Variants in GSKIP observed in about 807,000 individuals in gnomAD.
The protein encoded by GSKIP is GSK3B-interacting protein.
GSKIP carries 5 observed loss-of-function variants against 11.9 expected under a neutral mutation model. That is an observed-to-expected ratio of 0.42 (90% CI 0.22 to 0.89). GSKIP has a LOEUF of 0.89. Ranked by LOEUF, GSKIP falls within the 40% of genes least tolerant of loss-of-function variation. The probability of loss-of-function intolerance (pLI) is 0.29; values close to 1 mark genes in which losing one functional copy is unlikely to be tolerated. For missense variants in GSKIP, 150 were observed against 166.6 expected, an observed-to-expected ratio of 0.90 and a Z score of 0.55; for synonymous variants, 70 against 62.9, an observed-to-expected ratio of 1.11 and a Z score of -0.54.
At chr14:96,372,991 A>ATTCTT (rs1384496210) in intron 1 of GSKIP, among the ~76,000 whole-genome samples, 108 of 152,268 alleles carry the variant, frequency 7.1e-4, no homozygotes, top group African/African-American at 2.6e-3. Flanking sequence ...AACACTTGGG[A>ATTCTT]GGCTGAGGTG....
chr14:96,382,515 T>C lies in GSKIP; in HGVS notation c.258+10T>C. 1 of 1,582,862 alleles carries C rather than the reference T, an allele frequency of 6.3e-7. No individual in the cohort carries two copies. Among genetic ancestry groups the C allele is most frequent in the South Asian group, 1.2e-5 (1 of 86,674 alleles). Reference sequence around the variant, plus strand: ...TGAAGCAGGGCTCAAGGTAACTCACTTTTCCTTTTAGAAAAAAAAATTATT... The same window carrying C: ...TGAAGCAGGGCTCAAGGTAACTCACCTTTCCTTTTAGAAAAAAAAATTATT... On this transcript the variant is annotated intron_variant, in intron 3 of 3. Coordinates refer to ENST00000555181, the MANE Select transcript of GSKIP (RefSeq NM_016472.5).
At position 96,381,778 on chromosome 14, in the gene GSKIP, C is replaced by T. The variant is rs188569799; in HGVS notation, c.-1-469C>T. ...GAAAAAGAGTACAGTCCCTCATATT[C>T]TATTGGTAAAGTATAAGTCATACTC... is the stretch of plus-strand genomic sequence containing the variant. On this transcript the variant is annotated intron_variant, in intron 2 of 3. Coordinates refer to ENST00000555181, the MANE Select transcript of GSKIP (RefSeq NM_016472.5). Among the ~76,000 whole-genome samples the T allele has an allele frequency of 2.7e-3, 408 of 152,206 alleles. 4 individuals carry two copies. The highest frequency in any genetic ancestry group is 9.3e-3 in the African/African-American group (386 of 41,544).
Position 96,385,569 on chromosome 14 carries a change from C to T in GSKIP, c.305C>T (p.Pro102Leu), listed in dbSNP as rs1354192277. 2 of 1,612,010 alleles carry T rather than the reference C, an allele frequency of 1.2e-6. No homozygotes were observed. The highest frequency in any genetic ancestry group is 2.2e-5 in the East Asian group (1 of 44,830). ...CAGGTAGATGATCATTTACAGACTC[C>T]CTACCATGAAACAGTCTACTCCTTG... The part of the protein sequence containing the change: ...FDQVDDHLQT[P>L]YHETVYSLLD... The change falls in exon 4 of 4, where the codon CCC (proline) becomes CTC (leucine). Residue 102 changes from proline to leucine, a missense_variant. Pro to Leu is a moderately conservative substitution (Grantham distance 98). Coordinates refer to ENST00000555181, the MANE Select transcript of GSKIP (RefSeq NM_016472.5).
At chr14:96,384,569 G>A (rs182304725) in intron 3 of GSKIP, 2 of 150,906 alleles carry the variant, frequency 1.3e-5, no homozygotes. Context: ...TTATAATCTT[G>A]TCAAAAAGAA....
At chr14:96,385,402 A>T in intron 3 of GSKIP, 121 bp from the exon 4 acceptor site, 1 of 689,804 alleles carries the variant, frequency 1.4e-6, no homozygotes, top group Non-Finnish European at 2.4e-6. Context: ...CTGGTGGTCT[A>T]GTGGCTAGGA....
In GSKIP at chr14:96,385,522, G is replaced by T; in HGVS notation, c.259-1G>T. The T allele has an allele frequency of 6.2e-7, 1 of 1,604,046 alleles. No individual in the cohort carries two copies. The highest frequency in any genetic ancestry group is 1.1e-5 in the South Asian group (1 of 90,124). The stretch of plus-strand genomic sequence containing the variant: ...AATTCACTGTTGCATTTCTCTTGTA[G>T]GTGGTAGGCTATGCTTTTGACCAGG... On this transcript the variant is annotated splice_acceptor_variant, in intron 3 of 3. Coordinates refer to ENST00000555181, the MANE Select transcript of GSKIP (RefSeq NM_016472.5). LOFTEE classifies it high-confidence loss of function.
chr14:96,381,311 T>C (rs1164845152), intron 2 of GSKIP, among the ~76,000 whole-genome samples: 3 of 152,210 alleles, frequency 2.0e-5, no homozygotes, highest in East Asian at 3.9e-4. Flanking sequence ...TTTCAAAATA[T>C]AACATTTGGG....
Position 96,382,565 on chromosome 14 carries a change from A to G in GSKIP, c.258+60A>G, listed in dbSNP as rs1387671172. On this transcript the variant is annotated intron_variant, in intron 3 of 3. Transcript: ENST00000555181. ...TTATGTCTTTACCACTTTATCAAAA[A>G]GAGGGGTAGTGGGGAGGGGAAGAGT... 1.1e-5 allele frequency: 14 copies of G among 1,304,606 alleles called. No homozygotes were observed. In the Admixed American group the frequency reaches 3.0e-4, roughly 28 times the overall value. 80.8% of individuals were successfully genotyped at this position (1,304,606 alleles called of 1,614,324 possible).
rs1889029156 is a variant in GSKIP, at chr14:96,370,898, A to G, written c.-103+7330A>G. Reference sequence around the variant, plus strand: ...GCACAATTCTGTTGTCTAGATTTATAATTACAAGAATATAAATATGTCTGT... The same window carrying G: ...GCACAATTCTGTTGTCTAGATTTATGATTACAAGAATATAAATATGTCTGT... On this transcript the variant is annotated intron_variant, in intron 1 of 3. Transcript: ENST00000555181. Among the ~76,000 whole-genome samples the G allele has an allele frequency of 2.0e-5, 3 of 152,248 alleles. No homozygotes were observed. The South Asian group carries it at 6.2e-4, about 31-fold the overall frequency.
At chr14:96,381,478 A>G (rs1432084437) in intron 2 of GSKIP, among the ~76,000 whole-genome samples, 2 of 152,184 alleles carry the variant, frequency 1.3e-5, no homozygotes, top group African/African-American at 2.4e-5. Flanking sequence ...AAATGTAATC[A>G]TGGTATGGGG....
intron 1 of GSKIP, among the ~76,000 whole-genome samples, chr14:96,369,977 G>T (rs944039113): frequency 2.6e-5 from 4 of 152,192 alleles, no homozygotes; most frequent in African/African-American, 9.6e-5. Context: ...ACCCAGCAGA[G>T]TCATAGGGAT....
At chr14:96,385,220 C>G (rs1889457801) in intron 3 of GSKIP, among the ~76,000 whole-genome samples, 1 of 152,108 alleles carries the variant, frequency 6.6e-6, no homozygotes, top group African/African-American at 2.4e-5. Flanking sequence ...AATTCTTTCT[C>G]TGCATTTCCT....
intron 1 of GSKIP, among the ~76,000 whole-genome samples, chr14:96,370,435 A>G (rs1460830782): frequency 1.3e-5 from 2 of 151,838 alleles, no homozygotes; most frequent in Non-Finnish European, 2.9e-5. Flanking sequence ...TCAAAATATG[A>G]TCCCCACTAT....
At chr14:96,382,142 T>G in intron 2 of GSKIP, 105 bp from the exon 3 acceptor site, 1 of 698,424 alleles carries the variant, frequency 1.4e-6, no homozygotes, top group Non-Finnish European at 2.3e-6. Flanking sequence ...GCTAGTGTTT[T>G]GTACTAAGGA....
chr14:96,365,758 C>A (rs867300953), intron 1 of GSKIP, among the ~76,000 whole-genome samples: 2 of 151,800 alleles, frequency 1.3e-5, no homozygotes, highest in African/African-American at 4.8e-5. Flanking sequence ...TGCTTGAACC[C>A]GAGAGGCGGA....
chr14:96,384,345 T>C (rs1889430291), intron 3 of GSKIP, among the ~76,000 whole-genome samples: 1 of 152,024 alleles, frequency 6.6e-6, no homozygotes, highest in South Asian at 2.1e-4. Context: ...AGCATGGATC[T>C]GAAGAGGTGT....
At chr14:96,374,482 A>C (rs141346947) in intron 1 of GSKIP, among the ~76,000 whole-genome samples, 2 of 152,172 alleles carry the variant, frequency 1.3e-5, no homozygotes, top group African/African-American at 2.4e-5. Context: ...AATCACATCA[A>C]ATGTTTCATG....
chr14:96,368,319 C>T (rs946923332), intron 1 of GSKIP, among the ~76,000 whole-genome samples: 1 of 151,884 alleles, frequency 6.6e-6, no homozygotes, highest in Non-Finnish European at 1.5e-5. Flanking sequence ...GCTGGGACTA[C>T]AGGCTTGTGC....
intron 2 of GSKIP, among the ~76,000 whole-genome samples, chr14:96,381,825 G>T (rs142292012): frequency 1.3e-5 from 2 of 151,816 alleles, no homozygotes; most frequent in East Asian, 3.9e-4. Context: ...TTTTTTGAAG[G>T]GTAAATTGAC....
Sources: allele counts gnomAD v4.1 joint callset (sites outside exome capture counted in the v4.1 genomes callset), GRCh38; gene constraint gnomAD v4.1.1; transcripts MANE v1.5; gene names NCBI Gene and HGNC (gene_info 2026-07-23, HGNC 2026-07-21).